The following SNTG1 variants were observed in gnomAD, a reference collection of about 807,000 sequenced individuals.
SNTG1 encodes gamma-1-syntrophin.
A neutral mutation model predicts 74.7 loss-of-function variants in SNTG1; 39 were observed. That is an observed-to-expected ratio of 0.52 (90% confidence interval 0.40 to 0.68). SNTG1 has a LOEUF of 0.68. Ranked by LOEUF, SNTG1 falls within the 30% of genes least tolerant of loss-of-function variation. The pLI, the probability that SNTG1 is intolerant of heterozygous loss-of-function variation, is 0.00. For missense variants in SNTG1, 685 were observed against 609.5 expected (o/e 1.12, Z -1.30); for synonymous variants, 254 against 217.1 (o/e 1.17, Z -1.49).
chr8:50,331,486 C>T (rs2090965708), intron 2 of SNTG1, among the ~76,000 whole-genome samples: 1 of 152,146 alleles, frequency 6.6e-6, no homozygotes, highest in African/African-American at 2.4e-5. Context: ...AAGAATCAAA[C>T]AAGAGAAGAA....
At chr8:50,202,243 C>T (rs1400540562) in intron 2 of SNTG1, among the ~76,000 whole-genome samples, 4 of 151,980 alleles carry the variant, frequency 2.6e-5, no homozygotes, top group Non-Finnish European at 5.9e-5. Context: ...TCTGTAAGTT[C>T]TATGGTTTTT....
At chr8:50,557,413 AC>A (rs368822845) in intron 12 of SNTG1, among the ~76,000 whole-genome samples, 143 of 152,318 alleles carry the variant, frequency 9.4e-4, no homozygotes, top group African/African-American at 3.3e-3. Flanking sequence ...AGCAAATTAC[AC>A]AAACTTGGTG....
chr8:50,293,021 C>T (rs1462244253), intron 2 of SNTG1, among the ~76,000 whole-genome samples: 1 of 152,112 alleles, frequency 6.6e-6, no homozygotes, highest in Non-Finnish European at 1.5e-5. Flanking sequence ...AGAGCTTCAT[C>T]ACAGGACCCC....
At chr8:50,624,268 C>T (rs1258380489) in intron 13 of SNTG1, among the ~76,000 whole-genome samples, 3 of 151,834 alleles carry the variant, frequency 2.0e-5, no homozygotes, top group Non-Finnish European at 4.4e-5. Flanking sequence ...AGAATTCATG[C>T]ATTTACTCTC....
intron 1 of SNTG1, among the ~76,000 whole-genome samples, chr8:50,161,691 T>A (rs560194462): frequency 6.6e-6 from 1 of 151,590 alleles, no homozygotes. Flanking sequence ...ATGAGGTAAG[T>A]ATAGATTTGA....
At chr8:50,582,426 G>C (rs941262930) in intron 12 of SNTG1, among the ~76,000 whole-genome samples, 1 of 152,016 alleles carries the variant, frequency 6.6e-6, no homozygotes, top group Non-Finnish European at 1.5e-5. Flanking sequence ...AAAATAAGCA[G>C]TTATTAGATA....
At chr8:50,644,811 T>G (rs954878484) in intron 13 of SNTG1, among the ~76,000 whole-genome samples, 2 of 152,116 alleles carry the variant, frequency 1.3e-5, no homozygotes, top group South Asian at 4.1e-4. Flanking sequence ...GGGGTGACAG[T>G]GCTAACAAAC....
intron 17 of SNTG1, among the ~76,000 whole-genome samples, chr8:50,748,695 T>C (rs2095560627): frequency 6.6e-6 from 1 of 151,956 alleles, no homozygotes; most frequent in Non-Finnish European, 1.5e-5. Flanking sequence ...ATGCTTAAAA[T>C]GTTTCAAAGC....
At chr8:50,632,005 C>T (rs886756376) in intron 13 of SNTG1, among the ~76,000 whole-genome samples, 3 of 152,024 alleles carry the variant, frequency 2.0e-5, no homozygotes, top group African/African-American at 7.2e-5. Context: ...CTATGTTAAG[C>T]GATTTGTCAT....
chr8:50,673,359 G>C (rs1444559244), intron 15 of SNTG1, among the ~76,000 whole-genome samples: 2 of 152,114 alleles, frequency 1.3e-5, no homozygotes, highest in Admixed American at 1.3e-4. Flanking sequence ...TCCTTGAGCA[G>C]TGGTTTGTAG....
chr8:50,216,151 A>G (rs1586726337), intron 2 of SNTG1, among the ~76,000 whole-genome samples: 1 of 152,100 alleles, frequency 6.6e-6, no homozygotes, highest in African/African-American at 2.4e-5. Context: ...GGCTGGCTAG[A>G]TTGATTTGCT....
At chr8:50,198,375 C>T (rs752529586) in intron 2 of SNTG1, among the ~76,000 whole-genome samples, 6 of 152,128 alleles carry the variant, frequency 3.9e-5, no homozygotes, top group African/African-American at 7.2e-5. Flanking sequence ...GTTTGAGTTG[C>T]TGATTATTTC....
chr8:50,302,992 G>A (rs1012297439), intron 2 of SNTG1, among the ~76,000 whole-genome samples: 6 of 152,102 alleles, frequency 3.9e-5, no homozygotes, highest in Non-Finnish European at 8.8e-5. Flanking sequence ...AAGTTTGATG[G>A]ATAAAATAAC....
At chr8:50,752,218 C>G (rs1219094581) in intron 18 of SNTG1, 107 bp downstream of exon 18, 4 of 516,286 alleles carry the variant, frequency 7.7e-6, no homozygotes, top group East Asian at 3.2e-5. Flanking sequence ...CACACATTCT[C>G]TGCTCATCTT....
At chr8:50,326,033 T>C (rs901581715) in intron 2 of SNTG1, among the ~76,000 whole-genome samples, 1 of 152,068 alleles carries the variant, frequency 6.6e-6, no homozygotes, top group Non-Finnish European at 1.5e-5. Flanking sequence ...ATTACAATAA[T>C]TAATTTTAAA....
chr8:49,916,921 A>T (rs868828689), intron 1 of SNTG1, among the ~76,000 whole-genome samples: 1 of 152,174 alleles, frequency 6.6e-6, no homozygotes, highest in Middle Eastern at 3.4e-3. Context: ...GCTACTCAGG[A>T]GGCTGAGGTA....
chr8:50,427,452 C>A (rs1354167448), intron 4 of SNTG1, among the ~76,000 whole-genome samples: 1 of 151,888 alleles, frequency 6.6e-6, no homozygotes, highest in Non-Finnish European at 1.5e-5. Flanking sequence ...TTTTTTGAGT[C>A]GGGGTCTCCC....
rs2131879176 is a variant in SNTG1, at chr8:50,793,409, C to T, written c.*580C>T. The T allele has an allele frequency of 6.6e-6, 1 of 152,016 alleles. No homozygotes were observed. Among genetic ancestry groups the T allele is most frequent in the Middle Eastern group, 3.4e-3 (1 of 294 alleles). The allele number at this position is 152,016 out of a possible 1,614,324, so 9.4% of individuals were successfully genotyped here. On this transcript the variant is annotated 3_prime_UTR_variant, in exon 19 of 19. Coordinates refer to ENST00000642720, the MANE Select transcript of SNTG1 (RefSeq NM_018967.5). ...ACACTGGCATTCCAATTGTTTTTAT[C>T]TTATTGTAAATATTCCGAAGAACTT...
At chr8:50,625,871 A>C (rs78111881) in intron 13 of SNTG1, among the ~76,000 whole-genome samples, 1 of 152,206 alleles carries the variant, frequency 6.6e-6, no homozygotes, top group Admixed American at 6.5e-5. Flanking sequence ...AGGCAGTTGG[A>C]ATAGAGATAA....
Sources: gnomAD v4.1 joint callset for allele counts (sites outside exome capture counted in the v4.1 genomes callset) on GRCh38, gnomAD v4.1.1 for gene constraint, MANE v1.5 for transcripts, NCBI Gene and HGNC (gene_info 2026-07-23, HGNC 2026-07-21) for gene names.